PDS5B: variants seen among roughly 807,000 people sequenced by gnomAD.
PDS5B encodes the protein PDS5 cohesin associated factor B.
Under a neutral mutation model 184.1 loss-of-function variants are expected in PDS5B, and 51 were observed. That is an observed-to-expected ratio of 0.28 (90% CI 0.22 to 0.35). The LOEUF is 0.35. Ranked by LOEUF, PDS5B falls within the 10% of genes least tolerant of loss-of-function variation. The pLI is 1.00. For synonymous variants in PDS5B, 566 were observed against 569.2 expected, an observed-to-expected ratio of 0.99 and a Z score of 0.08; for missense variants, 1,180 against 1,723.3, an observed-to-expected ratio of 0.68 and a Z score of 5.58.
At chr13:32,612,182 C>A (rs895686004) in intron 1 of PDS5B, among the ~76,000 whole-genome samples, 1 of 151,938 alleles carries the variant, frequency 6.6e-6, no homozygotes, top group Non-Finnish European at 1.5e-5. Flanking sequence ...GAATCTTTAC[C>A]TGTATTGGTA....
chr13:32,756,014 G>T, intron 26 of PDS5B, 58 bp downstream of exon 26: 1 of 798,574 alleles, frequency 1.3e-6, no homozygotes, highest in Non-Finnish European at 2.1e-6. Flanking sequence ...TCTCCTTAAT[G>T]CTGATAATTG....
At chr13:32,681,586 A>G (rs1035399300) in intron 10 of PDS5B, among the ~76,000 whole-genome samples, 2 of 151,744 alleles carry the variant, frequency 1.3e-5, no homozygotes, top group Non-Finnish European at 2.9e-5. Flanking sequence ...AGATCGCGCC[A>G]CTGCACCCCA....
intron 19 of PDS5B, among the ~76,000 whole-genome samples, chr13:32,719,632 C>G (rs993987178): frequency 6.6e-6 from 1 of 152,124 alleles, no homozygotes; most frequent in African/African-American, 2.4e-5. Context: ...CAGGCTAAGT[C>G]TCTCTGCCCT....
intron 19 of PDS5B, among the ~76,000 whole-genome samples, chr13:32,726,478 G>A (rs1436917711): frequency 6.6e-6 from 1 of 152,150 alleles, no homozygotes; most frequent in African/African-American, 2.4e-5. Context: ...GTAAATGCAT[G>A]TACAATTTTG....
chr13:32,659,188 G>T lies in PDS5B; in HGVS notation c.532G>T (p.Val178Leu). 1 of 1,598,860 alleles carries T rather than the reference G, an allele frequency of 6.3e-7. No individual in the cohort carries two copies. The highest frequency in any genetic ancestry group is 8.5e-7 in the Non-Finnish European group (1 of 1,169,950). Residue 178 changes from valine (V) to leucine (L), a missense_variant, in exon 6 of 35, where the codon GTA (valine) becomes TTA (leucine). Val to Leu is a conservative substitution (Grantham distance 32). Transcript: ENST00000315596. Reference protein sequence around the residue: ...GHNQKVHMHMVDLMSSIICEG... With the variant: ...GHNQKVHMHMLDLMSSIICEG... ...CAATCAGAAAGTCCATATGCACATG[G>T]TAGACCTTATGAGCTCTATTATTTG... is the stretch of plus-strand genomic sequence containing the variant.
At chr13:32,696,490 C>T (rs1219762269) in intron 14 of PDS5B, among the ~76,000 whole-genome samples, 2 of 151,820 alleles carry the variant, frequency 1.3e-5, no homozygotes, top group East Asian at 3.9e-4. Flanking sequence ...GCTTCATGAC[C>T]ATGCCTTATA....
rs1427133862 is a variant in PDS5B at position 32,704,830 on chromosome 13, C to T, written c.1857-2104C>T. Among the ~76,000 whole-genome samples, 3 of 152,300 alleles carry T rather than the reference C, an allele frequency of 2.0e-5. No homozygotes were observed. In the East Asian group the frequency reaches 5.8e-4, roughly 29 times the overall value. ...AATGACATAGAGATTCTGTACATTACAACTTTTTAGTTATGTTTTTATATT... is the reference window on the plus strand; with the variant it reads ...AATGACATAGAGATTCTGTACATTATAACTTTTTAGTTATGTTTTTATATT... On this transcript the variant is annotated intron_variant, in intron 17 of 34. Transcript: ENST00000315596.
intron 14 of PDS5B, among the ~76,000 whole-genome samples, chr13:32,696,574 T>C (rs1333123216): frequency 6.6e-6 from 1 of 151,380 alleles, no homozygotes; most frequent in Non-Finnish European, 1.5e-5. Flanking sequence ...AACCCCAAAA[T>C]ACGTACCTGT....
chr13:32,735,062 A>G, intron 20 of PDS5B, 110 bp from the exon 21 acceptor site: 1 of 625,410 alleles, frequency 1.6e-6, no homozygotes, highest in Non-Finnish European at 2.5e-6. Flanking sequence ...TTATAATTTG[A>G]ATTACAAAAT....
chr13:32,615,404 T>C (rs2058203123), intron 1 of PDS5B, among the ~76,000 whole-genome samples: 1 of 152,192 alleles, frequency 6.6e-6, no homozygotes, highest in African/African-American at 2.4e-5. Context: ...ATCAGAATTT[T>C]GATAGAGTGA....
chr13:32,617,425 A>G (rs146997039), intron 1 of PDS5B, among the ~76,000 whole-genome samples: 50 of 152,364 alleles, frequency 3.3e-4, no homozygotes, highest in African/African-American at 1.2e-3. Flanking sequence ...AATACGACAT[A>G]AATAAGATAT....
intron 19 of PDS5B, among the ~76,000 whole-genome samples, chr13:32,724,471 TCTCA>T (rs1952826360): frequency 6.6e-6 from 1 of 152,196 alleles, no homozygotes; most frequent in African/African-American, 2.4e-5. Context: ...TCTCTCTAGC[TCTCA>T]CTCTGCTTGC....
Position 32,651,924 on chromosome 13 carries a change from C to T in PDS5B, c.229C>T (p.Arg77Cys), listed in dbSNP as rs760662173. Reference protein sequence around the residue: ...FFLKHPDKDVRLLVACCLADI... With the variant: ...FFLKHPDKDVCLLVACCLADI... Reference sequence around the variant, plus strand: ...TCTCAAGCATCCTGATAAAGATGTTCGCTTACTGGTAGCCTGCTGCCTTGC... The same window carrying T: ...TCTCAAGCATCCTGATAAAGATGTTTGCTTACTGGTAGCCTGCTGCCTTGC... The change falls in exon 3 of 35, where the codon CGC becomes TGC. Residue 77 changes from arginine (R) to cysteine (C), a missense_variant. Arg to Cys is a radical substitution (Grantham distance 180). Transcript: ENST00000315596. 2.5e-6 allele frequency: 4 copies of T among 1,613,502 alleles called. No homozygotes were observed. Among genetic ancestry groups the T allele is most frequent in the Non-Finnish European group, 3.4e-6 (4 of 1,179,532 alleles).
intron 1 of PDS5B, among the ~76,000 whole-genome samples, chr13:32,608,859 A>G (rs886834912): frequency 6.6e-6 from 1 of 152,236 alleles, no homozygotes; most frequent in Non-Finnish European, 1.5e-5. Context: ...CAAAAGATCT[A>G]TGACAACATG....
intron 17 of PDS5B, among the ~76,000 whole-genome samples, chr13:32,702,752 C>G (rs185882958): frequency 6.6e-5 from 10 of 152,176 alleles, no homozygotes; most frequent in Admixed American, 5.9e-4. Flanking sequence ...TCATATAAAA[C>G]TGTTATGAGA....
intron 1 of PDS5B, among the ~76,000 whole-genome samples, chr13:32,623,917 T>G (rs1214537909): frequency 1.3e-5 from 2 of 152,292 alleles, no homozygotes; most frequent in African/African-American, 2.4e-5. Context: ...GTTCAAGTGA[T>G]TTTCCTGCCT....
At chr13:32,709,522 C>CT (rs1246375237) in intron 18 of PDS5B, among the ~76,000 whole-genome samples, 1 of 151,924 alleles carries the variant, frequency 6.6e-6, no homozygotes, top group African/African-American at 2.4e-5. Context: ...ACTTTATAGA[C>CT]TTTTTTACTG....
rs747642036 is a variant in PDS5B at position 32,773,191 on chromosome 13, G to T, written c.4175G>T (p.Arg1392Leu). ...GTTTTACATGTGTTTTACTCTAGCC[G>T]TGTAGGACGCTCCAAACAAGCAGCT... ...PSPSQPKKNV[R>L]VGRSKQAATK... is the part of the protein sequence containing the mutation. The change falls in exon 34 of 35, where the codon CGT becomes CTT. Residue 1392 changes from arginine (R) to leucine (L), a missense_variant and splice_region_variant. Coordinates refer to ENST00000315596, the MANE Select transcript of PDS5B (RefSeq NM_015032.4). The T allele has an allele frequency of 2.5e-6, 4 of 1,610,288 alleles. No homozygotes were observed. The highest frequency in any genetic ancestry group is 2.2e-5 in the East Asian group (1 of 44,788).
At chr13:32,725,005 A>G (rs1033515348) in intron 19 of PDS5B, among the ~76,000 whole-genome samples, 18 of 152,224 alleles carry the variant, frequency 1.2e-4, no homozygotes, top group Admixed American at 1.0e-3. Context: ...GAGGCTCATA[A>G]TAGCTGGCCA....
Sources: allele counts gnomAD v4.1 joint callset (sites outside exome capture counted in the v4.1 genomes callset), GRCh38; gene constraint gnomAD v4.1.1; transcripts MANE v1.5; gene names NCBI Gene and HGNC (gene_info 2026-07-23, HGNC 2026-07-21).